The following ADD3 variants were observed in gnomAD, a reference collection of about 807,000 sequenced individuals.
ADD3 encodes adducin 3, also known as gamma-adducin.
In ADD3, 25 loss-of-function variants were observed where a neutral mutation model predicts 80.2. The observed-to-expected ratio is 0.31, with a 90% CI of 0.23 to 0.44. The LOEUF is 0.44. Ranked by LOEUF, ADD3 falls within the 20% of genes least tolerant of loss-of-function variation. The pLI, the probability that ADD3 is intolerant of heterozygous loss-of-function variation, is 1.00. For missense variants in ADD3, 829 were observed against 847.5 expected (o/e 0.98, Z 0.27); for synonymous variants, 284 against 289.6 (o/e 0.98, Z 0.20).
chr10:110,041,461 A>G (rs1432698970), intron 1 of ADD3, among the ~76,000 whole-genome samples: 1 of 152,204 alleles, frequency 6.6e-6, no homozygotes, highest in Non-Finnish European at 1.5e-5. Context: ...ATAAGGTATC[A>G]GACCCCTTTG....
chr10:110,022,126 G>A (rs1054271198), intron 1 of ADD3, among the ~76,000 whole-genome samples: 30 of 151,698 alleles, frequency 2.0e-4, no homozygotes, highest in African/African-American at 5.8e-4. Flanking sequence ...GATAACTCAG[G>A]GGTGAGTCTA....
chr10:110,055,386 G>A (rs1209985678), intron 1 of ADD3, among the ~76,000 whole-genome samples: 1 of 152,142 alleles, frequency 6.6e-6, no homozygotes, highest in Admixed American at 6.5e-5. Context: ...TGAGAAATAA[G>A]CATGTTTTGG....
intron 9 of ADD3, among the ~76,000 whole-genome samples, chr10:110,123,523 C>T (rs1398932286): frequency 1.3e-5 from 2 of 152,244 alleles, no homozygotes; most frequent in South Asian, 2.1e-4. Context: ...AGATCCTTTG[C>T]CTATTTTTTA....
intron 1 of ADD3, among the ~76,000 whole-genome samples, chr10:110,069,639 G>C (rs1302967365): frequency 2.0e-5 from 3 of 151,782 alleles, no homozygotes; most frequent in Non-Finnish European, 4.4e-5. Context: ...GTAGTATAAT[G>C]TAGTGCCACC....
rs543952340 is a variant in ADD3 at position 110,000,547 on chromosome 10, A to C, written n.79+4101A>C. ...CTGGTAAAGACTTCTAAAATAGGGA[A>C]ATTATTACATTCATTTGTCAATATT... On this transcript the variant is annotated intron_variant and non_coding_transcript_variant, in intron 1 of 5. Transcript: ENST00000468251. 1.8e-4 allele frequency among the ~76,000 whole-genome samples: 27 copies of C among 152,350 alleles called. No homozygotes were observed. In the South Asian group the frequency reaches 5.6e-3, roughly 32 times the overall value.
At chr10:110,056,929 A>G (rs1858265545) in intron 1 of ADD3, among the ~76,000 whole-genome samples, 1 of 152,252 alleles carries the variant, frequency 6.6e-6, no homozygotes, top group Non-Finnish European at 1.5e-5. Context: ...ACTAATGGGA[A>G]GATGGGATTA....
chr10:110,061,370 T>C (rs1858866581), intron 1 of ADD3, among the ~76,000 whole-genome samples: 1 of 151,878 alleles, frequency 6.6e-6, no homozygotes, highest in Non-Finnish European at 1.5e-5. Flanking sequence ...TTGGGTGGAG[T>C]GGTGGTTTCT....
At chr10:110,124,747 A>G (rs1851930220) in intron 10 of ADD3, among the ~76,000 whole-genome samples, 1 of 152,228 alleles carries the variant, frequency 6.6e-6, no homozygotes, top group African/African-American at 2.4e-5. Context: ...TCTTGTAGGT[A>G]GAGAAATGGG....
At chr10:110,129,937 G>C (rs1852729413) in intron 12 of ADD3, among the ~76,000 whole-genome samples, 1 of 151,946 alleles carries the variant, frequency 6.6e-6, no homozygotes, top group Non-Finnish European at 1.5e-5. Context: ...TCCTTTCCTG[G>C]AGAAAACAGC....
At chr10:110,105,519 A>G (rs182608129) in intron 2 of ADD3, among the ~76,000 whole-genome samples, 1 of 152,314 alleles carries the variant, frequency 6.6e-6, no homozygotes, top group East Asian at 1.9e-4. Flanking sequence ...ACAGGCTCCT[A>G]CTGAACTTGA....
At chr10:110,067,675 C>G (rs928129657) in intron 1 of ADD3, among the ~76,000 whole-genome samples, 1 of 152,150 alleles carries the variant, frequency 6.6e-6, no homozygotes, top group Admixed American at 6.5e-5. Flanking sequence ...TGTCAGTGTA[C>G]TTTATGGGGA....
At chr10:110,096,550 A>G (rs1848182564) in intron 1 of ADD3, among the ~76,000 whole-genome samples, 1 of 152,132 alleles carries the variant, frequency 6.6e-6, no homozygotes, top group African/African-American at 2.4e-5. Flanking sequence ...GTAGCACCTT[A>G]CCTGCTTTTA....
At chr10:110,097,958 A>G (rs1053013551) in intron 1 of ADD3, among the ~76,000 whole-genome samples, 16 of 151,686 alleles carry the variant, frequency 1.1e-4, no homozygotes, top group Non-Finnish European at 1.9e-4. Flanking sequence ...TGTATTTTTA[A>G]TAGAGACAGA....
chr10:110,096,225 C>T (rs528072400), intron 1 of ADD3, among the ~76,000 whole-genome samples: 1 of 152,242 alleles, frequency 6.6e-6, no homozygotes, highest in East Asian at 1.9e-4. Flanking sequence ...TAGTGAGCTC[C>T]ACATTCGTTA....
chr10:110,061,061 A>T (rs1216892288), intron 1 of ADD3, among the ~76,000 whole-genome samples: 6 of 152,216 alleles, frequency 3.9e-5, no homozygotes, highest in Non-Finnish European at 8.8e-5. Flanking sequence ...TTGTGCTATG[A>T]CTATGTTGTC....
At chr10:110,082,923 C>T (rs188785231) in intron 1 of ADD3, among the ~76,000 whole-genome samples, 3 of 152,238 alleles carry the variant, frequency 2.0e-5, no homozygotes, top group Admixed American at 1.3e-4. Flanking sequence ...TATCAAACCA[C>T]GAATAGCCCA....
intron 10 of ADD3, among the ~76,000 whole-genome samples, chr10:110,124,649 C>G (rs1851916109): frequency 6.6e-6 from 1 of 152,106 alleles, no homozygotes; most frequent in Non-Finnish European, 1.5e-5. Flanking sequence ...TAGTTTAATT[C>G]ACCAGTGAAT....
intron 1 of ADD3, among the ~76,000 whole-genome samples, chr10:110,056,289 G>T (rs1858183362): frequency 6.6e-6 from 1 of 152,092 alleles, no homozygotes; most frequent in Non-Finnish European, 1.5e-5. Flanking sequence ...CTTTCATTTT[G>T]CATTTGCAGA....
At chr10:110,076,864 C>A (rs1845431035) in intron 1 of ADD3, 1 of 152,180 alleles carries the variant, frequency 6.6e-6, no homozygotes, top group East Asian at 1.9e-4. Flanking sequence ...CTCTCCCCCA[C>A]TTTTTTAGGA....
Sources: allele counts gnomAD v4.1 joint callset (sites outside exome capture counted in the v4.1 genomes callset), GRCh38; gene constraint gnomAD v4.1.1; transcripts MANE v1.5; gene names NCBI Gene and HGNC (gene_info 2026-07-23, HGNC 2026-07-21).